Variants in UNC5C observed in about 807,000 individuals in gnomAD.
The protein encoded by UNC5C is unc-5 netrin receptor C, also known as netrin receptor UNC5C.
UNC5C carries 47 observed loss-of-function variants against 99.8 expected under a neutral mutation model. That is an observed-to-expected ratio of 0.47 (90% CI 0.37 to 0.60). The LOEUF is 0.60. Among genes scored for constraint, UNC5C ranks in the 20% least tolerant of loss-of-function variants. UNC5C has a pLI of 0.00. For missense variants in UNC5C, 1,062 were observed against 1,165.9 expected (o/e 0.91, Z 1.30); for synonymous variants, 487 against 452.2 (o/e 1.08, Z -0.98).
intron 7 of UNC5C, among the ~76,000 whole-genome samples, chr4:95,240,512 T>A (rs1316162760): frequency 6.6e-6 from 1 of 152,192 alleles, no homozygotes; most frequent in Non-Finnish European, 1.5e-5. Context: ...TAGTAGGGAT[T>A]GTTACTATAG....
Position 95,532,916 on chromosome 4 carries a change from A to G in UNC5C, c.124+15818T>C, listed in dbSNP as rs550462947. Among the ~76,000 whole-genome samples the G allele has an allele frequency of 3.3e-5, 5 of 151,976 alleles. No homozygotes were observed. In the East Asian group the frequency reaches 7.7e-4, roughly 24 times the overall value. Reference sequence around the variant, plus strand: ...TAACTGTTTAGTAAAGCTAAAAAAAAAAAAAAGGTTTTAAGAAAAAAAGTT... The same window carrying G: ...TAACTGTTTAGTAAAGCTAAAAAAAGAAAAAAGGTTTTAAGAAAAAAAGTT... On this transcript the variant is annotated intron_variant, in intron 1 of 15. Transcript: ENST00000453304.
intron 7 of UNC5C, chr4:95,222,368 A>C: frequency 1.5e-6 from 1 of 669,724 alleles, no homozygotes; most frequent in Non-Finnish European, 2.3e-6. Context: ...AAGGAAAAGA[A>C]ACCTGTGGTC....
intron 5 of UNC5C, among the ~76,000 whole-genome samples, chr4:95,247,125 A>G (rs1367075842): frequency 2.0e-5 from 3 of 152,190 alleles, no homozygotes; most frequent in African/African-American, 7.2e-5. Flanking sequence ...TGGCAGAATT[A>G]TAGGTATAGG....
At chr4:95,205,005 C>CA (rs3841976) in intron 11 of UNC5C, among the ~76,000 whole-genome samples, 108,190 of 151,934 alleles carry the variant, frequency 0.71, 38,881 homozygotes, top group Middle Eastern at 0.9. Flanking sequence ...ATTCCAGTCC[C>CA]AAAGGACACC....
At chr4:95,253,208 CT>C (rs1739807642) in intron 4 of UNC5C, among the ~76,000 whole-genome samples, 2 of 152,130 alleles carry the variant, frequency 1.3e-5, no homozygotes, top group South Asian at 4.1e-4. Context: ...TGGTTTGCCT[CT>C]GGAGAACCCA....
At chr4:95,172,083 G>A (rs1193074672) in intron 14 of UNC5C, among the ~76,000 whole-genome samples, 2 of 148,370 alleles carry the variant, frequency 1.3e-5, no homozygotes, top group Non-Finnish European at 3.0e-5. Flanking sequence ...TTTTGATGGG[G>A]TTGTTTGTTT....
chr4:95,399,580 G>C (rs547283516), intron 1 of UNC5C, among the ~76,000 whole-genome samples: 1 of 152,078 alleles, frequency 6.6e-6, no homozygotes, highest in Non-Finnish European at 1.5e-5. Context: ...ATTTACACTG[G>C]TATTTTTCCA....
intron 1 of UNC5C, among the ~76,000 whole-genome samples, chr4:95,398,592 C>T (rs1745594024): frequency 6.6e-6 from 1 of 152,156 alleles, no homozygotes; most frequent in Non-Finnish European, 1.5e-5. Context: ...TAAAAACCCT[C>T]ATTTTAATTA....
chr4:95,492,431 A>G (rs987509468), intron 1 of UNC5C, among the ~76,000 whole-genome samples: 1 of 151,348 alleles, frequency 6.6e-6, no homozygotes, highest in Non-Finnish European at 1.5e-5. Flanking sequence ...GCATCCAGTT[A>G]CTAAGCTGCT....
chr4:95,277,150 C>T (rs548001561), intron 4 of UNC5C, among the ~76,000 whole-genome samples: 49 of 152,224 alleles, frequency 3.2e-4, no homozygotes, highest in Non-Finnish European at 5.3e-4. Context: ...TTGAAAGTCT[C>T]ATTAGTATTA....
chr4:95,214,398 A>C (rs1738176429), intron 10 of UNC5C, among the ~76,000 whole-genome samples: 1 of 152,238 alleles, frequency 6.6e-6, no homozygotes, highest in South Asian at 2.1e-4. Context: ...GATGGTAGGC[A>C]TAGCAAGGAG....
intron 4 of UNC5C, among the ~76,000 whole-genome samples, chr4:95,262,072 A>G (rs1225825976): frequency 2.0e-5 from 3 of 152,224 alleles, no homozygotes; most frequent in African/African-American, 7.2e-5. Context: ...CATCTTTTGC[A>G]TGAAAATCTT....
intron 1 of UNC5C, among the ~76,000 whole-genome samples, chr4:95,503,539 T>A (rs1471796830): frequency 6.6e-6 from 1 of 152,180 alleles, no homozygotes; most frequent in East Asian, 1.9e-4. Flanking sequence ...TTTGACATAA[T>A]TTTCTAATGC....
In UNC5C at chr4:95,328,969, G is replaced by C. The variant is rs1743010817; in HGVS notation, c.346+6441C>G. 2.6e-5 allele frequency among the ~76,000 whole-genome samples: 4 copies of C among 152,216 alleles called. No homozygotes were observed. The South Asian group carries it at 8.3e-4, about 32-fold the overall frequency. ...CCCTCTCGAAAGCTGTTTGAGTGTG[G>C]CTTAAAGAGTAAATGAGCCATACCC... is the stretch of plus-strand genomic sequence containing the variant. On this transcript the variant is annotated intron_variant, in intron 2 of 15. Transcript: ENST00000453304.
intron 7 of UNC5C, among the ~76,000 whole-genome samples, chr4:95,234,307 AATGTT>A (rs1471793000): frequency 6.6e-6 from 1 of 152,014 alleles, no homozygotes; most frequent in African/African-American, 2.4e-5. Context: ...ATTTGTTATT[AATGTT>A]AAGTTTTTTT....
At chr4:95,292,520 A>T (rs1185558984) in intron 3 of UNC5C, among the ~76,000 whole-genome samples, 2 of 152,104 alleles carry the variant, frequency 1.3e-5, no homozygotes, top group Non-Finnish European at 2.9e-5. Flanking sequence ...TGAATTAATC[A>T]GTGAAAAAAC....
intron 1 of UNC5C, among the ~76,000 whole-genome samples, chr4:95,493,084 C>T (rs559997973): frequency 2.0e-5 from 3 of 151,546 alleles, no homozygotes; most frequent in African/African-American, 7.2e-5. Flanking sequence ...TATTTAGAGG[C>T]AGCTTTAACG....
At chr4:95,433,152 C>T (rs989593061) in intron 1 of UNC5C, among the ~76,000 whole-genome samples, 3 of 152,040 alleles carry the variant, frequency 2.0e-5, no homozygotes, top group Non-Finnish European at 4.4e-5. Flanking sequence ...GCATTCTAGT[C>T]TAAGAGATTT....
intron 1 of UNC5C, among the ~76,000 whole-genome samples, chr4:95,392,865 A>C (rs879616385): frequency 6.6e-6 from 1 of 152,166 alleles, no homozygotes; most frequent in Admixed American, 6.6e-5. Flanking sequence ...CAATTCAGTA[A>C]ACATATATTA....
Sources: allele counts gnomAD v4.1 joint callset (sites outside exome capture counted in the v4.1 genomes callset), GRCh38; gene constraint gnomAD v4.1.1; transcripts MANE v1.5; gene names NCBI Gene and HGNC (gene_info 2026-07-23, HGNC 2026-07-21).